The following HS3ST1 variants were observed in gnomAD, a reference collection of about 807,000 sequenced individuals.
The protein encoded by HS3ST1 is heparan sulfate glucosamine 3-O-sulfotransferase 1.
HS3ST1 carries 8 observed loss-of-function variants against 20.7 expected under a neutral mutation model. That is an observed-to-expected ratio of 0.39 (90% CI 0.23 to 0.70). The LOEUF (loss-of-function observed/expected upper bound fraction) is 0.70, where lower values mean the gene tolerates loss of function less well. Ranked by LOEUF, HS3ST1 falls within the 30% of genes least tolerant of loss-of-function variation. The pLI is 0.46. For synonymous variants in HS3ST1, 205 were observed against 190.4 expected (o/e 1.08, Z -0.63); for missense variants, 436 against 423.4 (o/e 1.03, Z -0.26).
chr4:11,428,964 A>G (rs1368150500), upstream of HS3ST1: 1 of 153,038 alleles, frequency 6.5e-6, no homozygotes, highest in Non-Finnish European at 1.5e-5. Flanking sequence ...AGCGGGAGCA[A>G]AAGGAGGGGA....
chr4:11,410,756 G>A (rs1718604090), intron 1 of HS3ST1, among the ~76,000 whole-genome samples: 1 of 152,264 alleles, frequency 6.6e-6, no homozygotes, highest in East Asian at 1.9e-4. Context: ...GCCAGGCGTG[G>A]TGGCACACGC....
At chr4:11,414,785 G>T (rs2108886786) in intron 1 of HS3ST1, among the ~76,000 whole-genome samples, 1 of 152,314 alleles carries the variant, frequency 6.6e-6, no homozygotes, top group Non-Finnish European at 1.5e-5. Context: ...TAGATTCATA[G>T]AGAGAATTTT....
upstream of HS3ST1, among the ~76,000 whole-genome samples, chr4:11,431,248 A>AAC (rs1719200299): frequency 1.3e-5 from 2 of 152,016 alleles, no homozygotes; most frequent in South Asian, 4.2e-4. Flanking sequence ...AAAAAAAAAA[A>AAC]AACTTTGTAA....
chr4:11,399,707 A>G lies in HS3ST1; in HGVS notation c.299T>C (p.Leu100Ser). The change falls in exon 2 of 2, where the codon TTG (leucine) becomes TCG (serine). Residue 100 changes from leucine (L) to serine (S), a missense_variant. Physicochemically the swap from Leu to Ser is moderately radical, Grantham distance 145. Coordinates refer to ENST00000002596, the MANE Select transcript of HS3ST1 (RefSeq NM_005114.4). This position sits in a 1 kb window ranked among gnomAD's most constrained non-coding sequence, Gnocchi z 5.1. ...FDWEEHYSHG[L>S]GWYLSQMPFS... ...GGGCATCTGGCTGAGGTACCAGCCC[A>G]AGCCGTGGCTGTAATGCTCCTCCCA... The G allele has an allele frequency of 6.2e-7, 1 of 1,613,908 alleles. No homozygotes were observed. The highest frequency in any genetic ancestry group is 8.5e-7 in the Non-Finnish European group (1 of 1,180,038).
At chr4:11,410,200 G>A (rs951300761) in intron 1 of HS3ST1, among the ~76,000 whole-genome samples, 7 of 152,230 alleles carry the variant, frequency 4.6e-5, no homozygotes, top group South Asian at 2.1e-4. Flanking sequence ...AAATAATCCC[G>A]TCCCTGTCCT....
chr4:11,405,515 C>A (rs1346165480), intron 1 of HS3ST1, among the ~76,000 whole-genome samples: 1 of 152,132 alleles, frequency 6.6e-6, no homozygotes, highest in Non-Finnish European at 1.5e-5. Flanking sequence ...CCCCTCGGGC[C>A]TGGCATGATT....
chr4:11,412,584 G>A (rs911802037), intron 1 of HS3ST1, among the ~76,000 whole-genome samples: 1 of 152,148 alleles, frequency 6.6e-6, no homozygotes, highest in Non-Finnish European at 1.5e-5. Flanking sequence ...CCTTGATGGG[G>A]AGGGGGAAGA....
At chr4:11,420,836 C>T (rs780037620) in intron 1 of HS3ST1, among the ~76,000 whole-genome samples, 1 of 152,162 alleles carries the variant, frequency 6.6e-6, no homozygotes, top group Non-Finnish European at 1.5e-5. Context: ...GACCCTACTC[C>T]CTGGACAAGT....
upstream of HS3ST1, among the ~76,000 whole-genome samples, chr4:11,430,283 A>G (rs115435218): frequency 0.012 from 1,627 of 140,790 alleles, 36 homozygotes; most frequent in African/African-American, 0.043. Context: ...TAATGTTGGC[A>G]TGTCTATTTT....
At chr4:11,424,408 A>G (rs1719013221) in intron 1 of HS3ST1, among the ~76,000 whole-genome samples, 1 of 152,232 alleles carries the variant, frequency 6.6e-6, no homozygotes. Context: ...AAAAAGCTAC[A>G]GACTTCATTC....
chr4:11,395,986 T>C lies in HS3ST1; in HGVS notation c.*3096A>G, dbSNP rs903102479. ...AGTTAATGACTACTGGTTCCTGTTG[T>C]ATTTTCTTTTTATATTCTTGAGGAC... is the stretch of plus-strand genomic sequence containing the variant. On this transcript the variant is annotated 3_prime_UTR_variant, in exon 2 of 2. Transcript: ENST00000002596. 1.2e-4 allele frequency: 18 copies of C among 152,354 alleles called. No individual in the cohort carries two copies. Among genetic ancestry groups the C allele is most frequent in the Admixed American group, 1.1e-3 (17 of 15,300 alleles). 9.4% of individuals were successfully genotyped at this position (152,354 alleles called of 1,614,324 possible).
intron 1 of HS3ST1, among the ~76,000 whole-genome samples, chr4:11,424,792 G>A (rs1054797699): frequency 5.3e-5 from 8 of 151,784 alleles, no homozygotes; most frequent in South Asian, 2.1e-4. Flanking sequence ...GCCCCAGGTG[G>A]GATCATTCAA....
upstream of HS3ST1, chr4:11,429,642 G>GTTTTT: frequency 3.8e-5 from 1 of 26,324 alleles, no homozygotes; most frequent in Non-Finnish European, 7.5e-5. Context: ...GGAAAATTCA[G>GTTTTT]CTTTTTTTTT....
chr4:11,406,155 C>T (rs1398932083), intron 1 of HS3ST1, among the ~76,000 whole-genome samples: 1 of 152,210 alleles, frequency 6.6e-6, no homozygotes, highest in Admixed American at 6.5e-5. Context: ...GCTGAGCACT[C>T]ACTGGGTGCC....
intron 1 of HS3ST1, among the ~76,000 whole-genome samples, chr4:11,422,776 TAAA>T (rs1437437246): frequency 1.3e-5 from 2 of 151,926 alleles, no homozygotes; most frequent in African/African-American, 4.8e-5. Flanking sequence ...AATTTTATAA[TAAA>T]AATGTCATTG....
intron 1 of HS3ST1, among the ~76,000 whole-genome samples, chr4:11,417,554 G>A (rs1577445798): frequency 6.6e-6 from 1 of 152,184 alleles, no homozygotes; most frequent in African/African-American, 2.4e-5. Flanking sequence ...GATGTGGCTA[G>A]GACTTGATCT....
chr4:11,399,103 G>T lies in HS3ST1; in HGVS notation c.903C>A (p.Gly301=), dbSNP rs758759332. 6.2e-7 allele frequency: 1 copy of T among 1,612,650 alleles called. No homozygotes were observed. Among genetic ancestry groups the T allele is most frequent in the Admixed American group, 1.7e-5 (1 of 59,992 alleles). The change falls in exon 2 of 2, where the codon GGC becomes GGA. Residue 301 remains glycine, a synonymous_variant. Coordinates refer to ENST00000002596, the MANE Select transcript of HS3ST1 (RefSeq NM_005114.4). The surrounding 1 kb of genome is among the most constrained non-coding windows in gnomAD (Gnocchi z 5.1). ...CAAATCAGTGCCAGTCAAATGTTCT[G>T]CCAACAAGCTCGAAGAACTTCTTAT... is the stretch of plus-strand genomic sequence containing the variant. ...EPNKKFFELV[G]RTFDWH
upstream of HS3ST1, among the ~76,000 whole-genome samples, chr4:11,430,108 C>T (rs551972065): frequency 3.9e-5 from 6 of 152,246 alleles, no homozygotes; most frequent in South Asian, 1.0e-3. Flanking sequence ...GGCCCTTTAA[C>T]TCATACACAG....
upstream of HS3ST1, chr4:11,429,643 C>CTATTTT (rs1719163580): frequency 2.1e-5 from 1 of 47,232 alleles, no homozygotes; most frequent in African/African-American, 7.8e-5. Flanking sequence ...GAAAATTCAG[C>CTATTTT]TTTTTTTTTT....
Sources: gnomAD v4.1 joint callset for allele counts (sites outside exome capture counted in the v4.1 genomes callset) on GRCh38, gnomAD v4.1.1 for gene constraint, Gnocchi (gnomAD v3.1) non-coding constraint, MANE v1.5 for transcripts, NCBI Gene and HGNC (gene_info 2026-07-23, HGNC 2026-07-21) for gene names.